TBC1D4: variants seen among roughly 807,000 people sequenced by gnomAD.
TBC1D4 encodes TBC (Tre-2, BUB2, CDC16) domain-containing protein.
Under a neutral mutation model 142.5 loss-of-function variants are expected in TBC1D4, and 121 were observed. The observed-to-expected ratio is 0.85, with a 90% confidence interval of 0.73 to 0.99. The LOEUF (loss-of-function observed/expected upper bound fraction) is 0.99, where lower values mean the gene tolerates loss of function less well. Ranked by LOEUF, TBC1D4 falls within the 50% of genes least tolerant of loss-of-function variation. The probability of loss-of-function intolerance (pLI) is 0.00; values close to 1 mark genes in which losing one functional copy is unlikely to be tolerated. For synonymous variants in TBC1D4, 630 were observed against 628.2 expected, an observed-to-expected ratio of 1.00 and a Z score of -0.04; for missense variants, 1,475 against 1,606.6, an observed-to-expected ratio of 0.92 and a Z score of 1.40.
intron 7 of TBC1D4, among the ~76,000 whole-genome samples, chr13:75,340,539 A>G (rs542682572): frequency 9.6e-4 from 147 of 152,362 alleles, no homozygotes; most frequent in Non-Finnish European, 1.8e-3. Flanking sequence ...ATGTATGTTC[A>G]TTCTAAATCA....
At chr13:75,481,195 T>TGG in intron 1 of TBC1D4, 75 bp downstream of exon 1, 96 of 1,292,610 alleles carry the variant, frequency 7.4e-5, no homozygotes, top group East Asian at 1.7e-4. Context: ...TAAAGTGGGG[T>TGG]CCCCGCCCCT....
At position 75,299,520 on chromosome 13, in the gene TBC1D4, A is replaced by C. The variant is rs754483905; in HGVS notation, c.2966T>G (p.Leu989Arg). ...YFSVQLGPGQLSLFNLLKAYS... is the reference protein window; with the variant it reads ...YFSVQLGPGQRSLFNLLKAYS... ...GGCTTTCAGGAGGTTAAACAGTGAC[A>C]GCTGTCCTGGCCCAAGCTGTACTGA... The change falls in exon 17 of 21, where the codon CTG becomes CGG. Residue 989 changes from leucine (L) to arginine (R), a missense_variant. Physicochemically the swap from Leu to Arg is moderately radical, Grantham distance 102 (BLOSUM62 -2). Transcript: ENST00000377636. 1.2e-6 allele frequency: 2 copies of C among 1,614,214 alleles called. No homozygotes were observed. Among genetic ancestry groups the C allele is most frequent in the South Asian group, 1.1e-5 (1 of 91,084 alleles).
intron 1 of TBC1D4, among the ~76,000 whole-genome samples, chr13:75,405,870 C>T (rs772256695): frequency 6.6e-6 from 1 of 152,132 alleles, no homozygotes; most frequent in Non-Finnish European, 1.5e-5. Context: ...GCATGGTGAA[C>T]CAAGATTATA....
chr13:75,356,240 A>G lies in TBC1D4; in HGVS notation c.1182T>C (p.His394=). 6.2e-7 allele frequency: 1 copy of G among 1,611,870 alleles called. No homozygotes were observed. The highest frequency in any genetic ancestry group is 8.5e-7 in the Non-Finnish European group (1 of 1,178,064). The part of the protein sequence containing the change: ...DISSCSQGIK[H]VDHFGFICRE... Reference sequence around the variant, plus strand: ...GGCAGATAAAGCCAAAGTGATCCACATGCTTTATACCCTAGATGGAGGGGA... The same window carrying G: ...GGCAGATAAAGCCAAAGTGATCCACGTGCTTTATACCCTAGATGGAGGGGA... The change falls in exon 4 of 21, where the codon CAT becomes CAC. Residue 394 remains histidine (H), a synonymous_variant. Coordinates refer to ENST00000377636, the MANE Select transcript of TBC1D4 (RefSeq NM_014832.5).
At chr13:75,406,429 A>G (rs1473357036) in intron 1 of TBC1D4, among the ~76,000 whole-genome samples, 1 of 152,210 alleles carries the variant, frequency 6.6e-6, no homozygotes. Flanking sequence ...ACAAAAGAAT[A>G]TGCTGTCTTC....
At position 75,347,747 on chromosome 13, in the gene TBC1D4, G is replaced by A. The variant is rs563432209; in HGVS notation, c.1408+1423C>T. On this transcript the variant is annotated intron_variant, in intron 5 of 20. Coordinates refer to ENST00000377636, the MANE Select transcript of TBC1D4 (RefSeq NM_014832.5). ...ATTTACATGCTTCCTTTATCACACA[G>A]CTAAGAATGTTCCATTTTTTTAAAT... Among the ~76,000 whole-genome samples the A allele has an allele frequency of 7.2e-4, 109 of 152,216 alleles. 1 individual carries two copies. The South Asian group carries it at 0.022, about 31-fold the overall frequency.
chr13:75,359,316 T>C (rs1032049499), intron 3 of TBC1D4, among the ~76,000 whole-genome samples: 1 of 152,184 alleles, frequency 6.6e-6, no homozygotes, highest in Non-Finnish European at 1.5e-5. Flanking sequence ...AATACAAAAA[T>C]ATTTTCAAAG....
chr13:75,301,134 T>A (rs1453008603), intron 16 of TBC1D4, among the ~76,000 whole-genome samples: 1 of 152,170 alleles, frequency 6.6e-6, no homozygotes, highest in South Asian at 2.1e-4. Context: ...AATCTTGTAT[T>A]TTCCCAAATG....
chr13:75,409,586 G>C (rs996987211), intron 1 of TBC1D4, among the ~76,000 whole-genome samples: 1 of 152,104 alleles, frequency 6.6e-6, no homozygotes, highest in East Asian at 1.9e-4. Context: ...CTGCAAATTA[G>C]TTTAGTTCAT....
Position 75,292,288 on chromosome 13 carries a change from A to C in TBC1D4, c.3317-17T>G, listed in dbSNP as rs1479163609. ...AAATAATATCTAAAAGAAGAGATATAATTTTCATGATCAAAACTATGCATC... is the reference window on the plus strand; with the variant it reads ...AAATAATATCTAAAAGAAGAGATATCATTTTCATGATCAAAACTATGCATC... On this transcript the variant is annotated splice_polypyrimidine_tract_variant and intron_variant, in intron 18 of 20. Coordinates refer to ENST00000377636, the MANE Select transcript of TBC1D4 (RefSeq NM_014832.5). The C allele has an allele frequency of 6.3e-7, 1 of 1,597,808 alleles. No homozygotes were observed. The highest frequency in any genetic ancestry group is 1.3e-5 in the African/African-American group (1 of 74,562).
At chr13:75,396,493 C>A (rs977675755) in intron 1 of TBC1D4, among the ~76,000 whole-genome samples, 1 of 150,930 alleles carries the variant, frequency 6.6e-6, no homozygotes, top group Admixed American at 6.6e-5. Flanking sequence ...GTAGATATTT[C>A]GGAAATTTTA....
chr13:75,378,234 C>A (rs1210370565), intron 1 of TBC1D4, among the ~76,000 whole-genome samples: 1 of 152,018 alleles, frequency 6.6e-6, no homozygotes, highest in Non-Finnish European at 1.5e-5. Flanking sequence ...ATTGAAAATT[C>A]TTCAAATGCA....
chr13:75,475,739 G>C (rs1888606272), intron 1 of TBC1D4, among the ~76,000 whole-genome samples: 1 of 152,134 alleles, frequency 6.6e-6, no homozygotes. Flanking sequence ...CTTACTGAAT[G>C]GTGTTATTTC....
chr13:75,371,340 T>G (rs1883210750), intron 1 of TBC1D4, among the ~76,000 whole-genome samples: 1 of 152,154 alleles, frequency 6.6e-6, no homozygotes, highest in Non-Finnish European at 1.5e-5. Flanking sequence ...AGGGCAGAAT[T>G]GCTGGAGCAA....
chr13:75,385,762 T>C (rs956124217), intron 1 of TBC1D4, among the ~76,000 whole-genome samples: 1 of 152,240 alleles, frequency 6.6e-6, no homozygotes, highest in Non-Finnish European at 1.5e-5. Flanking sequence ...TTTGAGGTAA[T>C]TCTATTATTA....
At chr13:75,334,778 G>T (rs928989267) in intron 8 of TBC1D4, among the ~76,000 whole-genome samples, 2 of 151,868 alleles carry the variant, frequency 1.3e-5, no homozygotes, top group Non-Finnish European at 2.9e-5. Flanking sequence ...TAGAGACGGG[G>T]TTTTACCATG....
At chr13:75,343,770 C>G (rs1349169781) in intron 5 of TBC1D4, among the ~76,000 whole-genome samples, 1 of 152,150 alleles carries the variant, frequency 6.6e-6, no homozygotes, top group Non-Finnish European at 1.5e-5. Flanking sequence ...CCCACCTCGG[C>G]CTCCCAAAGT....
intron 1 of TBC1D4, among the ~76,000 whole-genome samples, chr13:75,418,004 G>A (rs190862154): frequency 9.2e-5 from 14 of 152,250 alleles, no homozygotes; most frequent in Admixed American, 9.2e-4. Context: ...CCCAGTATGT[G>A]AAATATAATA....
chr13:75,313,942 GA>G (rs1349750647), intron 12 of TBC1D4, among the ~76,000 whole-genome samples: 2 of 152,160 alleles, frequency 1.3e-5, no homozygotes, highest in African/African-American at 4.8e-5. Context: ...CCAACTTATT[GA>G]AATTAATTGA....
Sources: gnomAD v4.1 joint callset for allele counts (sites outside exome capture counted in the v4.1 genomes callset) on GRCh38, gnomAD v4.1.1 for gene constraint, MANE v1.5 for transcripts, NCBI Gene and HGNC (gene_info 2026-07-23, HGNC 2026-07-21) for gene names.